CAMK2B: variants seen among roughly 807,000 people sequenced by gnomAD.
CAMK2B encodes calcium/calmodulin-dependent protein kinase type II subunit beta.
CAMK2B carries 27 observed loss-of-function variants against 93.7 expected under a neutral mutation model. The ratio of observed to expected loss-of-function variants is 0.29; its 90% confidence interval spans 0.21 to 0.40. The LOEUF is 0.40. CAMK2B is among the 10% of genes least tolerant of loss of function. CAMK2B has a pLI of 1.00. For synonymous variants in CAMK2B, 374 were observed against 358.8 expected, an observed-to-expected ratio of 1.04 and a Z score of -0.48; for missense variants, 568 against 895.8, an observed-to-expected ratio of 0.63 and a Z score of 4.67.
At chr7:44,239,426 G>A (rs373954376) in intron 13 of CAMK2B, among the ~76,000 whole-genome samples, 163 bp downstream of exon 13, 34 of 152,352 alleles carry the variant, frequency 2.2e-4, no homozygotes, top group African/African-American at 7.9e-4. Context: ...CCCTTGTGGT[G>A]GGCTCTGCTG....
At chr7:44,297,552 T>C (rs536456891) in intron 1 of CAMK2B, among the ~76,000 whole-genome samples, 1 of 152,156 alleles carries the variant, frequency 6.6e-6, no homozygotes, top group Non-Finnish European at 1.5e-5. Flanking sequence ...ACAGAGATTA[T>C]CTTATTGGAT....
chr7:44,259,021 A>G (rs1325861898), intron 3 of CAMK2B, 95 bp from the exon 4 acceptor site: 6 of 1,141,658 alleles, frequency 5.3e-6, no homozygotes, highest in Non-Finnish European at 5.2e-6. Flanking sequence ...CCAGCGGTGT[A>G]AGCCCTAGGG....
At chr7:44,256,819 G>A (rs935873431) in intron 4 of CAMK2B, among the ~76,000 whole-genome samples, 1 of 152,204 alleles carries the variant, frequency 6.6e-6, no homozygotes, top group South Asian at 2.1e-4. Context: ...TTGGGCTGGT[G>A]GGCACCTGGG....
At chr7:44,258,731 G>T (rs996062704) in intron 4 of CAMK2B, 141 bp downstream of exon 4, 1 of 727,752 alleles carries the variant, frequency 1.4e-6, no homozygotes, top group Non-Finnish European at 2.4e-6. Flanking sequence ...TTGGAGCAAG[G>T]GGACCAGCAG....
At chr7:44,260,078 ATGAACCTC>A (rs1476880618) in intron 3 of CAMK2B, among the ~76,000 whole-genome samples, 11 of 152,172 alleles carry the variant, frequency 7.2e-5, no homozygotes, top group African/African-American at 2.7e-4. Context: ...TCTTGGAGAG[ATGAACCTC>A]TGAGGTGTGG....
Position 44,271,100 on chromosome 7 carries a change from G to GTAGAGAC in CAMK2B, c.161-8043_161-8037dup, listed in dbSNP as rs375836552. 6.8e-4 allele frequency among the ~76,000 whole-genome samples: 104 copies of GTAGAGAC among 152,084 alleles called. No individual in the cohort carries two copies. Among genetic ancestry groups the GTAGAGAC allele is most frequent in the Non-Finnish European group, 1.2e-3 (81 of 68,000 alleles). ...CACCTGGCTAATTTTTGTATTTTTAGTAGAGACAGGGTTTCACCATGTCGG... is the reference window on the plus strand; with the variant it reads ...CACCTGGCTAATTTTTGTATTTTTAGTAGAGACTAGAGACAGGGTTTCACCATGTCGG... On this transcript the variant is annotated intron_variant, in intron 2 of 23. Coordinates refer to ENST00000395749, the MANE Select transcript of CAMK2B (RefSeq NM_001220.5). This position sits in a 1 kb window ranked among gnomAD's most constrained non-coding sequence, Gnocchi z 4.2.
chr7:44,251,355 C>T (rs575700750), intron 5 of CAMK2B, among the ~76,000 whole-genome samples: 1 of 152,192 alleles, frequency 6.6e-6, no homozygotes, highest in South Asian at 2.1e-4. Flanking sequence ...CTGTCAGACT[C>T]TCCACCGAGC....
At position 44,289,155 on chromosome 7, in the gene CAMK2B, A is replaced by T. The variant is rs539603849; in HGVS notation, c.66-4930T>A. 1.1e-3 allele frequency among the ~76,000 whole-genome samples: 161 copies of T among 152,038 alleles called. 1 individual carries two copies. In the South Asian group the frequency reaches 0.032, roughly 30 times the overall value. On this transcript the variant is annotated intron_variant, in intron 1 of 23. Transcript: ENST00000395749. ...CTCTTCCCTCCAGTCCCCACTTGCA[A>T]CCGGCCACCAGTTGCTGACTATCCG... is the stretch of plus-strand genomic sequence containing the variant.
At chr7:44,227,756 TGG>T (rs1398495440) in intron 19 of CAMK2B, among the ~76,000 whole-genome samples, 1 of 5,488 alleles carries the variant, frequency 1.8e-4, no homozygotes, top group Non-Finnish European at 2.9e-4. Flanking sequence ...GAGGAGGGTG[TGG>T]GGGACAGAGG....
Position 44,226,606 on chromosome 7 carries a change from C to T in CAMK2B, c.1507G>A (p.Gly503Ser). The change falls in exon 20 of 24, where the codon GGC becomes AGC. Residue 503 changes from glycine (G) to serine (S), a missense_variant. Gly to Ser is a moderately conservative substitution (Grantham distance 56, BLOSUM62 0). Around this residue, in one of 4 missense-constraint regions of CAMK2B, gnomAD observed 308 missense variants for 292.1 expected, o/e 1.05. Coordinates refer to ENST00000395749, the MANE Select transcript of CAMK2B (RefSeq NM_001220.5). ...CCCTCGGCTTCTGGGGTCCCTGAGC[C>T]CCTCCTCACAGAGTTCAGGATGTCA... Reference protein sequence around the residue: ...ISDILNSVRRGSGTPEAEGPS... With the variant: ...ISDILNSVRRSSGTPEAEGPS... 5.3e-6 allele frequency: 8 copies of T among 1,523,542 alleles called. No individual in the cohort carries two copies. The highest frequency in any genetic ancestry group is 2.4e-5 in the Admixed American group (1 of 41,674). The allele number at this position is 1,523,542 out of a possible 1,614,324, so 94.4% of individuals were successfully genotyped here.
intron 5 of CAMK2B, among the ~76,000 whole-genome samples, chr7:44,251,953 C>A (rs1408310934): frequency 6.6e-6 from 1 of 152,182 alleles, no homozygotes; most frequent in Non-Finnish European, 1.5e-5. Flanking sequence ...GCTCTGCGGT[C>A]CCCCGGCCCA....
chr7:44,301,463 T>C (rs1223631475), intron 1 of CAMK2B, among the ~76,000 whole-genome samples: 2 of 152,194 alleles, frequency 1.3e-5, no homozygotes, highest in Non-Finnish European at 2.9e-5. Flanking sequence ...GGAAAATTTA[T>C]AGCATCAAGT....
chr7:44,321,304 G>A (rs955307363), intron 1 of CAMK2B, among the ~76,000 whole-genome samples: 1 of 152,202 alleles, frequency 6.6e-6, no homozygotes, highest in Non-Finnish European at 1.5e-5. Flanking sequence ...ATGCCCCCGC[G>A]AGCGGTCAGG....
intron 16 of CAMK2B, among the ~76,000 whole-genome samples, 181 bp downstream of exon 16, chr7:44,232,641 T>C (rs2096590416): frequency 6.6e-6 from 1 of 152,190 alleles, no homozygotes; most frequent in Admixed American, 6.5e-5. Context: ...GCCTGGGGCC[T>C]GAGCCAGTCT....
At chr7:44,262,940 C>G (rs1293881299) in intron 3 of CAMK2B, 65 bp downstream of exon 3, 16 of 1,384,102 alleles carry the variant, frequency 1.2e-5, no homozygotes, top group Non-Finnish European at 1.6e-5. Context: ...ATAGAGAAAC[C>G]GGAATGGGCT....
chr7:44,281,393 G>T (rs1243385719), intron 2 of CAMK2B, among the ~76,000 whole-genome samples: 8 of 152,220 alleles, frequency 5.3e-5, no homozygotes, highest in Admixed American at 4.6e-4. Flanking sequence ...CCCCGTGCCT[G>T]GGCTCAAGCC....
At chr7:44,284,727 G>A (rs1313364886) in intron 1 of CAMK2B, among the ~76,000 whole-genome samples, 1 of 152,236 alleles carries the variant, frequency 6.6e-6, no homozygotes, top group African/African-American at 2.4e-5. Context: ...CCAGAGGGCA[G>A]TTATATTGGG....
At chr7:44,250,467 C>A (rs1023293721) in intron 5 of CAMK2B, among the ~76,000 whole-genome samples, 1 of 152,110 alleles carries the variant, frequency 6.6e-6, no homozygotes, top group Non-Finnish European at 1.5e-5. Context: ...ATGTCCTCCC[C>A]CTCCGCAGAC....
chr7:44,270,558 A>AT (rs1157345457), intron 2 of CAMK2B, among the ~76,000 whole-genome samples: 5 of 152,250 alleles, frequency 3.3e-5, no homozygotes, highest in Non-Finnish European at 5.9e-5. Context: ...GGCCCTACGC[A>AT]GGGGCCTGCT....
Sources: gnomAD v4.1 joint callset for allele counts (sites outside exome capture counted in the v4.1 genomes callset) on GRCh38, gnomAD v4.1.1 for gene constraint, gnomAD v4.1.1 regional missense constraint, Gnocchi (gnomAD v3.1) non-coding constraint, MANE v1.5 for transcripts, NCBI Gene and HGNC (gene_info 2026-07-23, HGNC 2026-07-21) for gene names.